Variants in CNTN2 observed in about 807,000 individuals in gnomAD.
The protein encoded by CNTN2 is contactin-2.
Under a neutral mutation model 117.5 loss-of-function variants are expected in CNTN2, and 53 were observed. The observed-to-expected ratio is 0.45, with a 90% CI of 0.36 to 0.57. The LOEUF (loss-of-function observed/expected upper bound fraction) is 0.57. Ranked by LOEUF, CNTN2 falls within the 20% of genes least tolerant of loss-of-function variation. The pLI, the probability that CNTN2 is intolerant of heterozygous loss-of-function variation, is 0.00. For synonymous variants in CNTN2, 530 were observed against 561.7 expected (o/e 0.94, Z 0.80); for missense variants, 1,106 against 1,404.3 (o/e 0.79, Z 3.39).
chr1:205,055,300 TG>T (rs2096459278), intron 2 of CNTN2, among the ~76,000 whole-genome samples: 1 of 151,808 alleles, frequency 6.6e-6, no homozygotes, highest in Non-Finnish European at 1.5e-5. Flanking sequence ...AGGCAGAGAG[TG>T]TGTTTTTGCA....
intron 10 of CNTN2, 31 bp downstream of exon 10, chr1:205,062,600 C>T: frequency 6.3e-7 from 1 of 1,599,492 alleles, no homozygotes; most frequent in Non-Finnish European, 8.5e-7. Flanking sequence ...GGGGACATCC[C>T]AAGGACATGC....
Position 205,073,816 on chromosome 1 carries a change from A to G in CNTN2, c.*51A>G. ...CAGCTGGACGCCACCTCCGACGGAC[A>G]CAGCCAGCCCCTTCCTGCTGCCAAG... On this transcript the variant is annotated 3_prime_UTR_variant, in exon 23 of 23. Transcript: ENST00000331830. This position sits in a 1 kb window ranked among gnomAD's most constrained non-coding sequence, Gnocchi z 6.3. The G allele has an allele frequency of 6.8e-7, 1 of 1,479,538 alleles. No homozygotes were observed. The allele number at this position is 1,479,538 out of a possible 1,614,324, so 91.7% of individuals were successfully genotyped here.
rs1422611192 is a variant in CNTN2 at position 205,074,104 on chromosome 1, C to T, written c.*339C>T. On this transcript the variant is annotated 3_prime_UTR_variant, in exon 23 of 23. Coordinates refer to ENST00000331830, the MANE Select transcript of CNTN2 (RefSeq NM_005076.5). ...ATGTCTTCAACTCAGCAGAGATGGC[C>T]CTCTGGGACCCTATACGGACTCCGC... The T allele has an allele frequency of 1.8e-6, 1 of 553,420 alleles. No homozygotes were observed. Among genetic ancestry groups the T allele is most frequent in the Non-Finnish European group, 3.2e-6 (1 of 313,200 alleles). The allele number at this position is 553,420 out of a possible 1,614,324, so 34.3% of individuals were successfully genotyped here. A position where few individuals can be genotyped will look rare whatever the true frequency, so the allele number is the denominator to read the frequency against.
At position 205,055,952 on chromosome 1, in the gene CNTN2, A is replaced by T. The variant is rs562247299; in HGVS notation, c.71-1969A>T. On this transcript the variant is annotated intron_variant, in intron 2 of 22. Transcript: ENST00000331830. ...TATAAAAGTCTCCATGGCCATCTAT[A>T]GCTGTGTGTCAGGGGGGAATGGATG... 2.0e-4 allele frequency among the ~76,000 whole-genome samples: 31 copies of T among 152,288 alleles called. No homozygotes were observed. In the South Asian group the frequency reaches 5.8e-3, roughly 28 times the overall value.
chr1:205,069,774 G>A (rs778716450), intron 17 of CNTN2, 53 bp from the exon 18 acceptor site: 194 of 1,569,920 alleles, frequency 1.2e-4, no homozygotes, highest in Non-Finnish European at 1.6e-4. Context: ...GCCAGGGAAC[G>A]GGCAGGGACA....
rs186458904 is a variant in CNTN2 at position 205,055,979 on chromosome 1, G to A, written c.71-1942G>A. Among the ~76,000 whole-genome samples the A allele has an allele frequency of 2.6e-4, 40 of 152,312 alleles. 1 individual carries two copies. The highest frequency in any genetic ancestry group is 9.1e-4 in the African/African-American group (38 of 41,548). On this transcript the variant is annotated intron_variant, in intron 2 of 22. Transcript: ENST00000331830. Reference sequence around the variant, plus strand: ...CTGTGTGTCAGGGGGGAATGGATGTGTGTGTAAATGTATGTATCTTGCCAT... The same window carrying A: ...CTGTGTGTCAGGGGGGAATGGATGTATGTGTAAATGTATGTATCTTGCCAT...
At position 205,066,505 on chromosome 1, in the gene CNTN2, C is replaced by T; in HGVS notation, c.1881C>T (p.Ser627=). 2 of 1,614,086 alleles carry T rather than the reference C, an allele frequency of 1.2e-6. No individual in the cohort carries two copies. Among genetic ancestry groups the T allele is most frequent in the Non-Finnish European group, 1.7e-6 (2 of 1,180,042 alleles). ...TTGGCGACACCACCATCCAGCTCAG[C>T]TGGAGCCGTGGCTTCGACAACCACA... ...RDIGDTTIQL[S]WSRGFDNHSP... is the part of the protein sequence containing the mutation. The change falls in exon 15 of 23, where the codon AGC becomes AGT. Residue 627 remains serine (S), a synonymous_variant. Coordinates refer to ENST00000331830, the MANE Select transcript of CNTN2 (RefSeq NM_005076.5).
In CNTN2 at chr1:205,073,834, C is replaced by A; in HGVS notation, c.*69C>A. The A allele has an allele frequency of 7.5e-7, 1 of 1,326,816 alleles. No individual in the cohort carries two copies. Among genetic ancestry groups the A allele is most frequent in the Non-Finnish European group, 1.1e-6 (1 of 937,652 alleles). 82.2% of individuals were successfully genotyped at this position (1,326,816 alleles called of 1,614,324 possible). On this transcript the variant is annotated 3_prime_UTR_variant, in exon 23 of 23. Transcript: ENST00000331830. This position sits in a 1 kb window ranked among gnomAD's most constrained non-coding sequence, Gnocchi z 6.3. ...GACGGACACAGCCAGCCCCTTCCTG[C>A]TGCCAAGGTGGCCTGACACTGTGCC...
In CNTN2 at chr1:205,073,267, G is replaced by A. The variant is rs1277759254; in HGVS notation, c.3013+31G>A. On this transcript the variant is annotated intron_variant, in intron 22 of 22. Coordinates refer to ENST00000331830, the MANE Select transcript of CNTN2 (RefSeq NM_005076.5). This position sits in a 1 kb window ranked among gnomAD's most constrained non-coding sequence, Gnocchi z 6.3. ...GCTCCTCCCCTACCCTTATCCCCTC[G>A]AGAGATTCAGGATCCACCCAGATAC... 15 of 1,607,756 alleles carry A rather than the reference G, an allele frequency of 9.3e-6. No homozygotes were observed. The highest frequency in any genetic ancestry group is 1.2e-5 in the Non-Finnish European group (14 of 1,176,188).
At chr1:205,047,507 C>T (rs1410773151) in intron 1 of CNTN2, among the ~76,000 whole-genome samples, 1 of 152,082 alleles carries the variant, frequency 6.6e-6, no homozygotes, top group African/African-American at 2.4e-5. Flanking sequence ...GGAGTACCTG[C>T]TTGGGAGTGC....
chr1:205,068,013 G>T (rs933856900), intron 16 of CNTN2: 1 of 152,112 alleles, frequency 6.6e-6, no homozygotes, highest in Non-Finnish European at 1.5e-5. Context: ...TGTGCAGGGG[G>T]CTAGGGAAGC....
rs1473483950 is a variant in CNTN2 at position 205,059,457 on chromosome 1, A to G, written c.698-126A>G. 1.7e-6 allele frequency: 2 copies of G among 1,187,428 alleles called. No individual in the cohort carries two copies. The highest frequency in any genetic ancestry group is 1.2e-6 in the Non-Finnish European group (1 of 812,178). The allele number at this position is 1,187,428 out of a possible 1,614,324, so 73.6% of individuals were successfully genotyped here. On this transcript the variant is annotated intron_variant, in intron 6 of 22. Coordinates refer to ENST00000331830, the MANE Select transcript of CNTN2 (RefSeq NM_005076.5). This position sits in a 1 kb window ranked among gnomAD's most constrained non-coding sequence, Gnocchi z 5.6. Reference sequence around the variant, plus strand: ...CTTCAAATCCTGAGGCCCTTGCCCCAGGCCTCAAGGAGATTCCACACAGCT... The same window carrying G: ...CTTCAAATCCTGAGGCCCTTGCCCCGGGCCTCAAGGAGATTCCACACAGCT...
chr1:205,069,521 G>T lies in CNTN2; in HGVS notation c.2156G>T (p.Gly719Val). ...TCGGTGGCACCCTCAGGACTCAGCG[G>T]AGGAGGTGGAGCCCCCGGAGAGCTC... Reference protein sequence around the residue: ...APSVAPSGLSGGGGAPGELIV... With the variant: ...APSVAPSGLSVGGGAPGELIV... The change falls in exon 17 of 23, where the codon GGA (glycine) becomes GTA (valine). Residue 719 changes from glycine (G) to valine (V), a missense_variant. Gly to Val is a moderately radical substitution (Grantham distance 109, BLOSUM62 -3). Coordinates refer to ENST00000331830, the MANE Select transcript of CNTN2 (RefSeq NM_005076.5). The T allele has an allele frequency of 6.2e-7, 1 of 1,614,040 alleles. No individual in the cohort carries two copies.
At chr1:205,062,786 A>G (rs766319971) in intron 10 of CNTN2, 40 of 399,194 alleles carry the variant, frequency 1.0e-4, no homozygotes, top group Non-Finnish European at 1.7e-4. Context: ...GACTTGTTCC[A>G]TGTCTGGCAC....
In CNTN2 at chr1:205,060,236, TAGA is replaced by T. The variant is rs772219258; in HGVS notation, c.797+560_797+562del. 5.9e-4 allele frequency: 92 copies of T among 154,842 alleles called. 1 individual carries two copies. Among genetic ancestry groups the T allele is most frequent in the Admixed American group, 7.5e-4 (12 of 16,048 alleles). 9.6% of individuals were successfully genotyped at this position (154,842 alleles called of 1,614,324 possible). The stretch of plus-strand genomic sequence containing the variant: ...GAAAGTGTTCTCTTTCTCGTACTCC[TAGA>T]AGAAGGAGTCACTAGAACAGGGCTA... On this transcript the variant is annotated intron_variant, in intron 7 of 22. Transcript: ENST00000331830.
chr1:205,070,902 A>G (rs762319433), intron 19 of CNTN2: 30 of 157,608 alleles, frequency 1.9e-4, no homozygotes, highest in Non-Finnish European at 2.5e-4. Context: ...AGGCTGAGGC[A>G]GGAGAATCGC....
At chr1:205,067,005 G>C in intron 15 of CNTN2, 96 bp from the exon 16 acceptor site, 1 of 1,455,842 alleles carries the variant, frequency 6.9e-7, no homozygotes. Flanking sequence ...CCGAAGTGAG[G>C]GCTGGGTAGA....
Position 205,073,830 on chromosome 1 carries a change from C to T in CNTN2, c.*65C>T. The T allele has an allele frequency of 7.3e-7, 1 of 1,371,452 alleles. No homozygotes were observed. Among genetic ancestry groups the T allele is most frequent in the Non-Finnish European group, 1.0e-6 (1 of 976,698 alleles). The allele number at this position is 1,371,452 out of a possible 1,614,324, so 85.0% of individuals were successfully genotyped here. On this transcript the variant is annotated 3_prime_UTR_variant, in exon 23 of 23. Coordinates refer to ENST00000331830, the MANE Select transcript of CNTN2 (RefSeq NM_005076.5). This position sits in a 1 kb window ranked among gnomAD's most constrained non-coding sequence, Gnocchi z 6.3. Reference sequence around the variant, plus strand: ...CTCCGACGGACACAGCCAGCCCCTTCCTGCTGCCAAGGTGGCCTGACACTG... The same window carrying T: ...CTCCGACGGACACAGCCAGCCCCTTTCTGCTGCCAAGGTGGCCTGACACTG...
chr1:205,064,733 G>C lies in CNTN2; in HGVS notation c.1502G>C (p.Gly501Ala), dbSNP rs1156931699. 2 of 1,613,962 alleles carry C rather than the reference G, an allele frequency of 1.2e-6. No individual in the cohort carries two copies. Among genetic ancestry groups the C allele is most frequent in the Non-Finnish European group, 1.7e-6 (2 of 1,180,016 alleles). ...ENFMGKANST[G>A]ILSVRDATKI... is the part of the protein sequence containing the mutation. ...TTCATGGGCAAAGCCAACAGCACTG[G>C]AATCCTATCTGTGCGAGGTGAGGGC... The change falls in exon 12 of 23, where the codon GGA becomes GCA. Residue 501 changes from glycine to alanine, a missense_variant. Transcript: ENST00000331830.
Sources: allele counts gnomAD v4.1 joint callset (sites outside exome capture counted in the v4.1 genomes callset), GRCh38; gene constraint gnomAD v4.1.1; non-coding constraint Gnocchi (gnomAD v3.1); transcripts MANE v1.5; gene names NCBI Gene and HGNC (gene_info 2026-07-23, HGNC 2026-07-21).